Variants in LRRC4C observed in about 807,000 individuals in gnomAD.
LRRC4C encodes the protein leucine-rich repeat-containing protein 4C.
A neutral mutation model predicts 33.6 loss-of-function variants in LRRC4C; 5 were observed. That is an observed-to-expected ratio of 0.15 (90% CI 0.08 to 0.31). LRRC4C has a LOEUF of 0.31. Among genes scored for constraint, LRRC4C ranks in the 10% least tolerant of loss-of-function variants. LRRC4C has a pLI of 1.00. For missense variants in LRRC4C, 560 were observed against 796.7 expected, an observed-to-expected ratio of 0.70 and a Z score of 3.58; for synonymous variants, 329 against 302.0, an observed-to-expected ratio of 1.09 and a Z score of -0.93.
chr11:40,171,558 T>A (rs952261851), intron 5 of LRRC4C, among the ~76,000 whole-genome samples: 5 of 151,970 alleles, frequency 3.3e-5, no homozygotes, highest in Non-Finnish European at 7.4e-5. Flanking sequence ...GATATTCTTA[T>A]GTCATATACC....
At chr11:40,350,830 T>A (rs1246297193) in intron 3 of LRRC4C, among the ~76,000 whole-genome samples, 5 of 152,056 alleles carry the variant, frequency 3.3e-5, no homozygotes, top group Admixed American at 3.3e-4. Context: ...AATTTTTAAG[T>A]ATTTTCTTTT....
intron 2 of LRRC4C, among the ~76,000 whole-genome samples, chr11:40,881,114 A>G (rs1955154571): frequency 6.6e-6 from 1 of 152,030 alleles, no homozygotes; most frequent in Non-Finnish European, 1.5e-5. Context: ...ATTTGTAAAT[A>G]ATACTGTCAC....
At chr11:40,670,757 T>C (rs898778195) in intron 2 of LRRC4C, among the ~76,000 whole-genome samples, 1 of 152,074 alleles carries the variant, frequency 6.6e-6, no homozygotes, top group African/African-American at 2.4e-5. Context: ...TTTTTGTTTG[T>C]TTGTTTGTTT....
At chr11:40,229,647 A>T (rs2135994947) in intron 5 of LRRC4C, among the ~76,000 whole-genome samples, 1 of 152,316 alleles carries the variant, frequency 6.6e-6, no homozygotes, top group South Asian at 2.1e-4. Context: ...ATACAAATGA[A>T]AAAAGGATAA....
chr11:41,069,279 A>G (rs1390547142), intron 1 of LRRC4C, among the ~76,000 whole-genome samples: 1 of 152,232 alleles, frequency 6.6e-6, no homozygotes, highest in East Asian at 1.9e-4. Flanking sequence ...TCCAAATAAT[A>G]CAAGCTATTT....
intron 2 of LRRC4C, among the ~76,000 whole-genome samples, chr11:40,728,238 G>A (rs1947384203): frequency 6.6e-6 from 1 of 151,990 alleles, no homozygotes; most frequent in Non-Finnish European, 1.5e-5. Flanking sequence ...GCAGTTTGGA[G>A]GTTTCTCAAA....
chr11:40,811,509 T>G (rs931244699), intron 2 of LRRC4C, among the ~76,000 whole-genome samples: 1 of 152,032 alleles, frequency 6.6e-6, no homozygotes, highest in African/African-American at 2.4e-5. Flanking sequence ...CATCTACTCT[T>G]TTTTTTGAGA....
chr11:41,446,822 C>A (rs568078087), intron 1 of LRRC4C, among the ~76,000 whole-genome samples: 1 of 152,216 alleles, frequency 6.6e-6, no homozygotes, highest in African/African-American at 2.4e-5. Context: ...CCACATGTGG[C>A]CCCTTTCCTT....
intron 2 of LRRC4C, among the ~76,000 whole-genome samples, chr11:40,743,426 G>T (rs1181197036): frequency 1.3e-5 from 2 of 152,030 alleles, no homozygotes; most frequent in South Asian, 2.1e-4. Flanking sequence ...ATCTCATTGG[G>T]CTAAAATTAA....
At chr11:40,126,706 A>T (rs565996555) in intron 6 of LRRC4C, among the ~76,000 whole-genome samples, 3 of 152,266 alleles carry the variant, frequency 2.0e-5, no homozygotes, top group Admixed American at 6.5e-5. Context: ...CACATCTGTA[A>T]TCCCAGCACT....
intron 1 of LRRC4C, among the ~76,000 whole-genome samples, chr11:41,400,764 G>A (rs1448310472): frequency 6.6e-6 from 1 of 151,830 alleles, no homozygotes; most frequent in Admixed American, 6.6e-5. Context: ...TATGAGATTA[G>A]ACCTCAGTCT....
intron 1 of LRRC4C, among the ~76,000 whole-genome samples, chr11:41,126,414 T>A (rs1017489208): frequency 6.6e-6 from 1 of 151,950 alleles, no homozygotes; most frequent in African/African-American, 2.4e-5. Flanking sequence ...CTCATTCACA[T>A]CTGGACCTAA....
intron 2 of LRRC4C, among the ~76,000 whole-genome samples, chr11:40,751,450 T>C (rs1310108289): frequency 1.3e-5 from 2 of 152,078 alleles, no homozygotes; most frequent in Non-Finnish European, 2.9e-5. Flanking sequence ...TAGTCAGTAA[T>C]GTTTGTAAAC....
At chr11:40,610,971 G>T (rs945345687) in intron 3 of LRRC4C, among the ~76,000 whole-genome samples, 3 of 151,786 alleles carry the variant, frequency 2.0e-5, no homozygotes, top group Non-Finnish European at 4.4e-5. Flanking sequence ...CAGATTCAAT[G>T]CAATTATTAT....
At chr11:40,251,403 T>A (rs1267343911) in intron 4 of LRRC4C, among the ~76,000 whole-genome samples, 3 of 152,044 alleles carry the variant, frequency 2.0e-5, no homozygotes, top group Non-Finnish European at 2.9e-5. Flanking sequence ...CACCTTCGAG[T>A]ACACAGAAGT....
At chr11:41,364,969 G>C (rs1203348144) in intron 1 of LRRC4C, among the ~76,000 whole-genome samples, 4 of 151,602 alleles carry the variant, frequency 2.6e-5, no homozygotes, top group Non-Finnish European at 4.4e-5. Context: ...AAACACCATG[G>C]AGTGTGTGTG....
At chr11:41,239,124 G>T (rs1332273125) in intron 1 of LRRC4C, among the ~76,000 whole-genome samples, 2 of 146,978 alleles carry the variant, frequency 1.4e-5, no homozygotes, top group Non-Finnish European at 3.0e-5. Flanking sequence ...GACTATCCTG[G>T]CCAACACGGT....
intron 3 of LRRC4C, among the ~76,000 whole-genome samples, chr11:40,581,290 A>G (rs1465829300): frequency 6.6e-6 from 1 of 152,236 alleles, no homozygotes; most frequent in East Asian, 1.9e-4. Context: ...TGTCTTTTGT[A>G]AAACTGATGA....
intron 2 of LRRC4C, among the ~76,000 whole-genome samples, chr11:40,826,912 T>A (rs926052519): frequency 1.3e-5 from 2 of 151,924 alleles, no homozygotes; most frequent in African/African-American, 4.8e-5. Flanking sequence ...AATAAATCAA[T>A]CATATCAACA....
Sources: allele counts gnomAD v4.1 joint callset (sites outside exome capture counted in the v4.1 genomes callset), GRCh38; gene constraint gnomAD v4.1.1; transcripts MANE v1.5; gene names NCBI Gene and HGNC (gene_info 2026-07-23, HGNC 2026-07-21).